Variants in PCNX1 observed in about 807,000 individuals in gnomAD.
The protein encoded by PCNX1 is pecanex-like protein 1.
Under a neutral mutation model 242.2 loss-of-function variants are expected in PCNX1, and 78 were observed. That is an observed-to-expected ratio of 0.32 (90% CI 0.27 to 0.39). The LOEUF (loss-of-function observed/expected upper bound fraction) is 0.39. Among genes scored for constraint, PCNX1 ranks in the 10% least tolerant of loss-of-function variants. The pLI, the probability that PCNX1 is intolerant of heterozygous loss-of-function variation, is 1.00. For synonymous variants in PCNX1, 1,024 were observed against 1,032.9 expected, an observed-to-expected ratio of 0.99 and a Z score of 0.17; for missense variants, 2,581 against 2,856.5, an observed-to-expected ratio of 0.90 and a Z score of 2.20.
Position 71,111,080 on chromosome 14 carries a change from TTC to T in PCNX1, c.*1147_*1148del, listed in dbSNP as rs768480882. On this transcript the variant is annotated 3_prime_UTR_variant, in exon 36 of 36. Coordinates refer to ENST00000304743, the MANE Select transcript of PCNX1 (RefSeq NM_014982.3). ...GCTTTTTATTTTTCCCCTCTTCTTT[TTC>T]TGTTACTTGAATTTTATTTCCTGTA... The T allele has an allele frequency of 2.0e-5, 3 of 152,770 alleles. No individual in the cohort carries two copies. Among genetic ancestry groups the T allele is most frequent in the East Asian group, 3.8e-4 (2 of 5,196 alleles). The allele number at this position is 152,770 out of a possible 1,614,324, so 9.5% of individuals were successfully genotyped here. A position where few individuals can be genotyped will look rare whatever the true frequency, so the allele number is the denominator to read the frequency against.
chr14:71,051,124 C>T (rs1015276366), intron 23 of PCNX1, among the ~76,000 whole-genome samples: 18 of 128,754 alleles, frequency 1.4e-4, no homozygotes, highest in East Asian at 5.2e-4. Context: ...GCCGAGATTG[C>T]GCCATTGCAC....
intron 30 of PCNX1, among the ~76,000 whole-genome samples, chr14:71,094,011 T>C (rs2062206430): frequency 6.6e-6 from 1 of 152,172 alleles, no homozygotes; most frequent in Non-Finnish European, 1.5e-5. Flanking sequence ...GTATTTAACA[T>C]TTTTGGGGGA....
At chr14:71,085,133 A>G (rs1052032393) in intron 28 of PCNX1, among the ~76,000 whole-genome samples, 1 of 152,144 alleles carries the variant, frequency 6.6e-6, no homozygotes. Context: ...AAGTGAGGCA[A>G]CGCCCCACCC....
intron 26 of PCNX1, among the ~76,000 whole-genome samples, chr14:71,059,330 A>G (rs1302848668): frequency 1.3e-5 from 2 of 152,162 alleles, no homozygotes; most frequent in African/African-American, 4.8e-5. Context: ...TTACTCTTTG[A>G]ACTCCTATAG....
At chr14:71,075,054 G>A (rs1478529847) in intron 27 of PCNX1, among the ~76,000 whole-genome samples, 1 of 146,376 alleles carries the variant, frequency 6.8e-6, no homozygotes, top group Admixed American at 6.9e-5. Context: ...GACTACAGTG[G>A]CATGATCGTA....
chr14:70,989,534 A>ATT (rs34767376), intron 7 of PCNX1, among the ~76,000 whole-genome samples: 35,893 of 126,146 alleles, frequency 0.28, 5,304 homozygotes, highest in Admixed American at 0.37. Flanking sequence ...ACAGATATAA[A>ATT]TTTTTTTTTT....
intron 1 of PCNX1, among the ~76,000 whole-genome samples, chr14:70,923,991 G>C (rs1403701827): frequency 6.6e-6 from 1 of 152,124 alleles, no homozygotes; most frequent in Non-Finnish European, 1.5e-5. Context: ...AGCACTTTGG[G>C]AGGCCGAGGC....
intron 30 of PCNX1, among the ~76,000 whole-genome samples, chr14:71,097,820 A>G (rs576297504): frequency 2.8e-4 from 43 of 152,186 alleles, no homozygotes; most frequent in Admixed American, 2.7e-3. Context: ...TTTTGTTGCA[A>G]TTGCTTTTAG....
At chr14:71,077,095 TG>T (rs1199009632) in intron 28 of PCNX1, among the ~76,000 whole-genome samples, 2 of 152,170 alleles carry the variant, frequency 1.3e-5, no homozygotes, top group African/African-American at 2.4e-5. Context: ...AGGTCTAGGC[TG>T]GGGATCACCC....
chr14:71,017,612 G>A (rs2059993541), intron 11 of PCNX1, among the ~76,000 whole-genome samples: 1 of 152,214 alleles, frequency 6.6e-6, no homozygotes, highest in Admixed American at 6.5e-5. Flanking sequence ...TAGCTCTGAT[G>A]CCAAAAACAA....
At chr14:70,962,433 CTGAT>C (rs2058249733) in intron 3 of PCNX1, 102 bp downstream of exon 3, 1 of 654,842 alleles carries the variant, frequency 1.5e-6, no homozygotes, top group Non-Finnish European at 2.8e-6. Context: ...TCATATCTTT[CTGAT>C]TATTATTTTT....
intron 8 of PCNX1, among the ~76,000 whole-genome samples, chr14:70,998,788 T>C (rs2059425876): frequency 6.6e-6 from 1 of 151,306 alleles, no homozygotes; most frequent in South Asian, 2.1e-4. Context: ...ACTGACATAG[T>C]TTTCTTTCCT....
At chr14:71,081,456 T>G (rs2141544694) in intron 28 of PCNX1, among the ~76,000 whole-genome samples, 2 of 152,336 alleles carry the variant, frequency 1.3e-5, no homozygotes, top group African/African-American at 4.8e-5. Context: ...CCAGCTCTTC[T>G]TCGTACCTCT....
chr14:70,973,406 A>C (rs1202770578), intron 5 of PCNX1, among the ~76,000 whole-genome samples: 1 of 152,122 alleles, frequency 6.6e-6, no homozygotes, highest in Non-Finnish European at 1.5e-5. Flanking sequence ...GAATGGATTG[A>C]CCAGCTTTGT....
At chr14:71,002,242 G>A (rs540316279) in intron 8 of PCNX1, among the ~76,000 whole-genome samples, 2 of 152,176 alleles carry the variant, frequency 1.3e-5, no homozygotes, top group East Asian at 1.9e-4. Context: ...GAAACAGAAC[G>A]GCAAATACCA....
At chr14:71,018,544 G>A (rs1368460955) in intron 11 of PCNX1, among the ~76,000 whole-genome samples, 3 of 152,036 alleles carry the variant, frequency 2.0e-5, no homozygotes, top group African/African-American at 2.4e-5. Flanking sequence ...TGGGGGAAGC[G>A]AAATCAATTA....
intron 24 of PCNX1, chr14:71,053,483 A>G (rs942712154): frequency 1.0e-4 from 34 of 339,774 alleles, no homozygotes; most frequent in South Asian, 7.7e-4. Context: ...ACACCTGGCT[A>G]TTTTTTGTAT....
At chr14:70,919,887 T>G (rs894380219) in intron 1 of PCNX1, among the ~76,000 whole-genome samples, 1 of 151,904 alleles carries the variant, frequency 6.6e-6, no homozygotes, top group East Asian at 1.9e-4. Flanking sequence ...GAAAAGGAAG[T>G]CATTTCCTTT....
chr14:71,013,167 C>T lies in PCNX1; in HGVS notation c.2961C>T (p.Asn987=), dbSNP rs371060085. 1 of 1,614,050 alleles carries T rather than the reference C, an allele frequency of 6.2e-7. No individual in the cohort carries two copies. Among genetic ancestry groups the T allele is most frequent in the South Asian group, 1.1e-5 (1 of 91,082 alleles). ...TACCCCAGCTGTGGATTGGCATTAA[C>T]TTTGACAGACTCACACTTTTGGCCC... ...WILPQLWIGI[N]FDRLTLLALF... is the part of the protein sequence containing the mutation. The change falls in exon 11 of 36, where the codon AAC becomes AAT. Residue 987 remains asparagine (N), a synonymous_variant. Transcript: ENST00000304743.
Sources: allele counts gnomAD v4.1 joint callset (sites outside exome capture counted in the v4.1 genomes callset), GRCh38; gene constraint gnomAD v4.1.1; transcripts MANE v1.5; gene names NCBI Gene and HGNC (gene_info 2026-07-23, HGNC 2026-07-21).